Variants in WDPCP observed in about 807,000 individuals in gnomAD.
WDPCP encodes WD repeat-containing and planar cell polarity effector protein fritz homolog.
Under a neutral mutation model 93.1 loss-of-function variants are expected in WDPCP, and 71 were observed. That is an observed-to-expected ratio of 0.76 (90% CI 0.63 to 0.93). WDPCP has a LOEUF of 0.93. Ranked by LOEUF, WDPCP falls within the 40% of genes least tolerant of loss-of-function variation. The pLI is 0.00. For missense variants in WDPCP, 844 were observed against 887.4 expected, an observed-to-expected ratio of 0.95 and a Z score of 0.62; for synonymous variants, 315 against 315.0, an observed-to-expected ratio of 1.00 and a Z score of 0.00.
chr2:63,539,461 C>T (rs1412908838), intron 1 of WDPCP, among the ~76,000 whole-genome samples: 1 of 152,074 alleles, frequency 6.6e-6, no homozygotes, highest in Non-Finnish European at 1.5e-5. Context: ...TTTGGGAGGC[C>T]AAGGAGGGCA....
intron 2 of WDPCP, among the ~76,000 whole-genome samples, chr2:63,666,933 A>C (rs1710289154): frequency 6.6e-6 from 1 of 152,164 alleles, no homozygotes; most frequent in Admixed American, 6.5e-5. Context: ...CAGCTTAAGT[A>C]ATCACAATGC....
chr2:63,168,825 G>A (rs188072734), intron 15 of WDPCP: 42 of 152,300 alleles, frequency 2.8e-4, no homozygotes, highest in African/African-American at 9.2e-4. Context: ...CTCCAGCCTG[G>A]GCAACACAGT....
chr2:63,758,867 T>C (rs1459117079), intron 2 of WDPCP, among the ~76,000 whole-genome samples: 1 of 152,092 alleles, frequency 6.6e-6, no homozygotes, highest in Non-Finnish European at 1.5e-5. Flanking sequence ...AACCTCAGAC[T>C]CCCGAGTTCA....
At chr2:63,714,926 C>G (rs538756527) in intron 2 of WDPCP, among the ~76,000 whole-genome samples, 1 of 152,246 alleles carries the variant, frequency 6.6e-6, no homozygotes, top group East Asian at 1.9e-4. Context: ...GGTGTCAATC[C>G]ATAGATGAAT....
In WDPCP at chr2:63,670,980, A is replaced by G. The variant is rs547677795; in HGVS notation, n.309-20142T>C. ...AGGCATAGTTGCCACTGCTACACAT[A>G]AAGTATTCCTCAGAGAAGGGAATGA... On this transcript the variant is annotated intron_variant and non_coding_transcript_variant, in intron 2 of 4. Coordinates refer to the WDPCP transcript ENST00000467687. Among the ~76,000 whole-genome samples the G allele has an allele frequency of 2.0e-5, 3 of 152,304 alleles. No individual in the cohort carries two copies. The South Asian group carries it at 6.2e-4, about 32-fold the overall frequency.
chr2:63,747,489 AT>A (rs1448021796), intron 2 of WDPCP, among the ~76,000 whole-genome samples: 1 of 150,644 alleles, frequency 6.6e-6, no homozygotes, highest in Non-Finnish European at 1.5e-5. Flanking sequence ...ACTCAATATA[AT>A]TTTTTCCCAT....
At position 63,575,484 on chromosome 2, in the gene WDPCP, TATATA is replaced by T. The variant is rs1558833210; in HGVS notation, c.75+12708_75+12712del. On this transcript the variant is annotated intron_variant, in intron 1 of 17. Transcript: ENST00000272321. Reference sequence around the variant, plus strand: ...GTATATATGCAGTATATACAGTGTATATATAGTATATACAGTATATACACTGTATA... The same window carrying T: ...GTATATATGCAGTATATACAGTGTATGTATATACAGTATATACACTGTATA... 6.4e-3 allele frequency among the ~76,000 whole-genome samples: 630 copies of T among 97,908 alleles called. 75 individuals are homozygous for T. Among genetic ancestry groups the T allele is most frequent in the Middle Eastern group, 0.028 (3 of 108 alleles). 64.2% of individuals were successfully genotyped at this position (97,908 alleles called of 152,430 possible).
chr2:63,713,432 C>T (rs1669290812), intron 2 of WDPCP, among the ~76,000 whole-genome samples: 1 of 152,178 alleles, frequency 6.6e-6, no homozygotes, highest in Non-Finnish European at 1.5e-5. Context: ...TTCAGGGCTC[C>T]ACTACATCTT....
intron 9 of WDPCP, among the ~76,000 whole-genome samples, chr2:63,428,545 C>T (rs939155289): frequency 1.2e-4 from 18 of 151,852 alleles, no homozygotes; most frequent in African/African-American, 4.3e-4. Context: ...CCTTTCACAA[C>T]ACCCAACAAA....
intron 2 of WDPCP, among the ~76,000 whole-genome samples, chr2:63,689,106 T>C (rs1668854601): frequency 6.6e-6 from 1 of 152,188 alleles, no homozygotes; most frequent in South Asian, 2.1e-4. Context: ...TATTCTGTTT[T>C]AACAACAGAA....
At chr2:63,782,979 C>A (rs565813469) in intron 2 of WDPCP, among the ~76,000 whole-genome samples, 2 of 152,092 alleles carry the variant, frequency 1.3e-5, no homozygotes, top group Non-Finnish European at 2.9e-5. Context: ...TGCTTATACA[C>A]TCCTAGTGGG....
rs769373817 is a variant in WDPCP at position 63,120,628 on chromosome 2, G to A, written c.*1378C>T. Among the ~76,000 whole-genome samples, 9 of 148,474 alleles carry A rather than the reference G, an allele frequency of 6.1e-5. No individual in the cohort carries two copies. Among genetic ancestry groups the A allele is most frequent in the Non-Finnish European group, 1.0e-4 (7 of 67,592 alleles). On this transcript the variant is annotated 3_prime_UTR_variant, in exon 18 of 18. Transcript: ENST00000272321. ...TGCAGCCTCCGCCCTCCGGGTTCAC[G>A]CCATTCTCCTGCTTCAGCCTCCCAA...
At chr2:63,700,934 G>A (rs1411760657) in intron 2 of WDPCP, among the ~76,000 whole-genome samples, 3 of 152,152 alleles carry the variant, frequency 2.0e-5, no homozygotes, top group Non-Finnish European at 2.9e-5. Context: ...AAACATTGGG[G>A]AAATACTCCA....
At chr2:63,667,701 A>C (rs1353567379) in intron 2 of WDPCP, among the ~76,000 whole-genome samples, 1 of 152,284 alleles carries the variant, frequency 6.6e-6, no homozygotes, top group East Asian at 1.9e-4. Flanking sequence ...GCAGAGGAAC[A>C]GGGAATATAT....
chr2:63,322,136 T>C (rs1296551081), intron 12 of WDPCP, among the ~76,000 whole-genome samples: 1 of 152,108 alleles, frequency 6.6e-6, no homozygotes, highest in African/African-American at 2.4e-5. Flanking sequence ...TGGAGAACTT[T>C]TCTGTCTAGC....
intron 17 of WDPCP, among the ~76,000 whole-genome samples, chr2:63,152,472 A>G (rs541056528): frequency 5.7e-4 from 86 of 152,136 alleles, no homozygotes; most frequent in South Asian, 1.5e-3. Context: ...GGGTTTTGCC[A>G]TGTTGGCCAG....
chr2:63,322,193 G>A (rs1032527287), intron 12 of WDPCP, among the ~76,000 whole-genome samples: 6 of 152,120 alleles, frequency 3.9e-5, no homozygotes, highest in African/African-American at 1.4e-4. Context: ...CTAGCTAAAG[G>A]TTTGTAAATG....
intron 13 of WDPCP, among the ~76,000 whole-genome samples, chr2:63,293,322 T>C (rs1268950105): frequency 6.6e-6 from 1 of 152,132 alleles, no homozygotes; most frequent in Non-Finnish European, 1.5e-5. Flanking sequence ...GACCTTAAGA[T>C]TCACCTTAGT....
chr2:63,797,625 G>T lies in WDPCP; in HGVS notation n.308+15997C>A, dbSNP rs140507417. ...TAAAGAAAAAGAAAAAAAAAGAAAAGAAAATATATATTCAGAGGAGACTAA... is the reference window on the plus strand; with the variant it reads ...TAAAGAAAAAGAAAAAAAAAGAAAATAAAATATATATTCAGAGGAGACTAA... On this transcript the variant is annotated intron_variant and non_coding_transcript_variant, in intron 2 of 4. Transcript: ENST00000467687. Among the ~76,000 whole-genome samples the T allele has an allele frequency of 5.0e-3, 754 of 151,862 alleles. 1 individual carries two copies. The highest frequency in any genetic ancestry group is 0.044 in the Middle Eastern group (13 of 294).
Sources: gnomAD v4.1 joint callset for allele counts (sites outside exome capture counted in the v4.1 genomes callset) on GRCh38, gnomAD v4.1.1 for gene constraint, MANE v1.5 for transcripts, NCBI Gene and HGNC (gene_info 2026-07-23, HGNC 2026-07-21) for gene names.